SLC8A1: variants seen among roughly 807,000 people sequenced by gnomAD.
SLC8A1 encodes the protein solute carrier family 8 member A1, also known as sodium/calcium exchanger 1.
SLC8A1 carries 18 observed loss-of-function variants against 68.3 expected under a neutral mutation model. The ratio of observed to expected loss-of-function variants is 0.26; its 90% confidence interval spans 0.18 to 0.39. The LOEUF (loss-of-function observed/expected upper bound fraction) is 0.39. Ranked by LOEUF, SLC8A1 falls within the 10% of genes least tolerant of loss-of-function variation. The pLI, the probability that SLC8A1 is intolerant of heterozygous loss-of-function variation, is 1.00. For missense variants in SLC8A1, 985 were observed against 1,156.7 expected, an observed-to-expected ratio of 0.85 and a Z score of 2.15; for synonymous variants, 475 against 415.5, an observed-to-expected ratio of 1.14 and a Z score of -1.74.
rs749805053 is a variant in SLC8A1, at chr2:40,428,667, G to T, written c.1614C>A (p.Gly538=). ...TCACAGGTTCCTCAAAAGTAAAAAT[G>T]CCTGCGTGGTCATCATCAAAAATAG... The change falls in exon 2 of 8, where the codon GGC becomes GGA. Residue 538 remains glycine, a synonymous_variant. Coordinates refer to ENST00000406785, the Ensembl canonical transcript of SLC8A1. The T allele has an allele frequency of 1.7e-5, 28 of 1,613,686 alleles. 1 individual carries two copies. In the Admixed American group the frequency reaches 4.5e-4, roughly 26 times the overall value.
At chr2:40,510,081 C>T (rs1426036302) in intron 1 of SLC8A1, among the ~76,000 whole-genome samples, 3 of 152,204 alleles carry the variant, frequency 2.0e-5, no homozygotes, top group African/African-American at 4.8e-5. Context: ...CCTCCTCAGC[C>T]TCCCAAAGTG....
chr2:40,450,838 G>A (rs1702318758), intron 1 of SLC8A1, among the ~76,000 whole-genome samples: 1 of 152,184 alleles, frequency 6.6e-6, no homozygotes, highest in South Asian at 2.1e-4. Context: ...CATGCACATT[G>A]CTCTCTTCTA....
intron 2 of SLC8A1, among the ~76,000 whole-genome samples, chr2:40,243,314 C>T (rs369498512): frequency 6.6e-6 from 1 of 152,056 alleles, no homozygotes; most frequent in East Asian, 1.9e-4. Context: ...AAAACCCTGC[C>T]TCTACCAAAA....
At chr2:40,330,829 G>A (rs898364501) in intron 2 of SLC8A1, among the ~76,000 whole-genome samples, 5 of 152,138 alleles carry the variant, frequency 3.3e-5, no homozygotes, top group Non-Finnish European at 7.4e-5. Context: ...AATGACAAAT[G>A]GCAAGATTTA....
exon 8 of SLC8A1, chr2:40,107,960 G>C (rs2034317566): frequency 6.6e-6 from 1 of 152,206 alleles, no homozygotes; most frequent in African/African-American, 2.4e-5. Flanking sequence ...AGTATTTACT[G>C]TACATTAGAA....
intron 2 of SLC8A1, among the ~76,000 whole-genome samples, chr2:40,328,300 A>T (rs1044276420): frequency 7.9e-5 from 12 of 152,154 alleles, no homozygotes; most frequent in African/African-American, 2.9e-4. Flanking sequence ...AGTAATAGTT[A>T]TTCTTTCACC....
chr2:40,202,277 C>G (rs1271861075), intron 2 of SLC8A1, among the ~76,000 whole-genome samples: 2 of 151,978 alleles, frequency 1.3e-5, no homozygotes, highest in Non-Finnish European at 2.9e-5. Flanking sequence ...CTTGCACGTC[C>G]AAATCTTGCT....
intron 2 of SLC8A1, among the ~76,000 whole-genome samples, chr2:40,232,430 A>T (rs1423593350): frequency 6.7e-6 from 1 of 150,286 alleles, no homozygotes; most frequent in Non-Finnish European, 1.5e-5. Context: ...TTCAAGGGAT[A>T]GCAAGGTTTA....
chr2:40,219,208 T>A (rs896251719), intron 2 of SLC8A1, among the ~76,000 whole-genome samples: 4 of 152,128 alleles, frequency 2.6e-5, no homozygotes, highest in African/African-American at 9.7e-5. Flanking sequence ...TGTGTGTTCA[T>A]AGAGGAGAAA....
chr2:40,291,948 G>A (rs1374566811), intron 2 of SLC8A1, among the ~76,000 whole-genome samples: 1 of 146,168 alleles, frequency 6.8e-6, no homozygotes, highest in Non-Finnish European at 1.5e-5. Flanking sequence ...ATCCTTCCAA[G>A]ATACAAACCA....
chr2:40,158,509 G>A (rs957460508), intron 6 of SLC8A1, among the ~76,000 whole-genome samples: 1 of 152,112 alleles, frequency 6.6e-6, no homozygotes, highest in Non-Finnish European at 1.5e-5. Flanking sequence ...ACAATATATT[G>A]TATGACAAGA....
At chr2:40,495,494 C>A (rs1293520840) in intron 1 of SLC8A1, among the ~76,000 whole-genome samples, 2 of 151,822 alleles carry the variant, frequency 1.3e-5, no homozygotes, top group African/African-American at 4.8e-5. Flanking sequence ...ATGACTAGGA[C>A]AATTTAAGTA....
intron 2 of SLC8A1, among the ~76,000 whole-genome samples, chr2:40,229,979 T>TA (rs2059452356): frequency 6.6e-6 from 1 of 152,190 alleles, no homozygotes; most frequent in Admixed American, 6.5e-5. Context: ...TGAAAAATCT[T>TA]AGAGATCAAC....
At chr2:40,112,155 G>T (rs542420267) in exon 8 of SLC8A1, 1 of 152,578 alleles carries the variant, frequency 6.6e-6, no homozygotes, top group South Asian at 2.1e-4. Context: ...ATACCATTTT[G>T]GTTTTTATTT....
At chr2:40,108,869 CTT>C (rs2034387818) in exon 8 of SLC8A1, 2 of 152,198 alleles carry the variant, frequency 1.3e-5, no homozygotes, top group East Asian at 3.9e-4. Context: ...TAATTCATCT[CTT>C]GTTTTACTAT....
chr2:40,191,913 G>C (rs2051937386), intron 2 of SLC8A1, among the ~76,000 whole-genome samples: 1 of 152,136 alleles, frequency 6.6e-6, no homozygotes, highest in African/African-American at 2.4e-5. Context: ...TTTGTAGGAA[G>C]TCTGTGCTTT....
chr2:40,238,256 G>C (rs994054254), intron 2 of SLC8A1, among the ~76,000 whole-genome samples: 9 of 152,228 alleles, frequency 5.9e-5, no homozygotes, highest in African/African-American at 2.2e-4. Flanking sequence ...CAATCAGTGA[G>C]ACTCCGTGGG....
At chr2:40,197,023 A>T (rs2053180760) in intron 2 of SLC8A1, among the ~76,000 whole-genome samples, 1 of 151,934 alleles carries the variant, frequency 6.6e-6, no homozygotes, top group Admixed American at 6.6e-5. Context: ...AACTTGTATA[A>T]TTTTCCATTA....
At chr2:40,154,738 C>T (rs1219659693) in intron 6 of SLC8A1, among the ~76,000 whole-genome samples, 1 of 152,112 alleles carries the variant, frequency 6.6e-6, no homozygotes, top group Middle Eastern at 3.2e-3. Flanking sequence ...AATCACAGCT[C>T]ACTGCAGCCT....
Sources: gnomAD v4.1 joint callset for allele counts (sites outside exome capture counted in the v4.1 genomes callset) on GRCh38, gnomAD v4.1.1 for gene constraint, MANE v1.5 for transcripts, NCBI Gene and HGNC (gene_info 2026-07-23, HGNC 2026-07-21) for gene names.